Variants in PCDHGA9 observed in about 807,000 individuals in gnomAD.
PCDHGA9 encodes the protein protocadherin gamma subfamily A, 9, also known as protocadherin gamma-A9.
A neutral mutation model predicts 62.5 loss-of-function variants in PCDHGA9; 37 were observed. That is an observed-to-expected ratio of 0.59 (90% CI 0.46 to 0.78). The LOEUF (loss-of-function observed/expected upper bound fraction) is 0.78. Among genes scored for constraint, PCDHGA9 ranks in the 30% least tolerant of loss-of-function variants. PCDHGA9 has a pLI of 0.00. For missense variants in PCDHGA9, 1,138 were observed against 1,166.2 expected (o/e 0.98, Z 0.35); for synonymous variants, 459 against 484.6 (o/e 0.95, Z 0.69).
intron 1 of PCDHGA9, chr5:141,426,750 G>A (rs1287163824): frequency 2.2e-6 from 1 of 456,160 alleles, no homozygotes; most frequent in Non-Finnish European, 4.4e-6. Context: ...CCTGGAATCT[G>A]CTATAGATGC....
intron 2 of PCDHGA9, among the ~76,000 whole-genome samples, chr5:141,503,688 T>A (rs2099828724): frequency 6.6e-6 from 1 of 152,042 alleles, no homozygotes; most frequent in African/African-American, 2.4e-5. Context: ...GGAAGGAGAA[T>A]TGAGATTCCT....
chr5:141,423,985 C>T (rs1334591897), intron 1 of PCDHGA9: 2 of 1,100,512 alleles, frequency 1.8e-6, no homozygotes, highest in Non-Finnish European at 2.2e-6. Flanking sequence ...ATGAGGCTCT[C>T]AATTTATTAT....
intron 1 of PCDHGA9, chr5:141,410,443 T>A (rs1207487083): frequency 6.2e-7 from 1 of 1,613,926 alleles, no homozygotes; most frequent in Non-Finnish European, 8.5e-7. Context: ...GTGAGGGGAC[T>A]TTGCCTTATT....
chr5:141,410,505 A>T (rs2095401601), intron 1 of PCDHGA9: 1 of 1,613,848 alleles, frequency 6.2e-7, no homozygotes, highest in Non-Finnish European at 8.5e-7. Flanking sequence ...AATTTCCTAA[A>T]ATGCAGTGTG....
In PCDHGA9 at chr5:141,491,491, G is replaced by C. The variant is rs2099717103; in HGVS notation, c.2425-3316G>C. The C allele has an allele frequency of 1.2e-6, 2 of 1,614,042 alleles. No homozygotes were observed. The highest frequency in any genetic ancestry group is 1.7e-5 in the Admixed American group (1 of 60,016). The stretch of plus-strand genomic sequence containing the variant: ...TAAGCAGTCCAGCCCCAACCTGCAG[G>C]TGAGCTCGGACGGCACGCTCAAGTA... On this transcript the variant is annotated intron_variant, in intron 1 of 3. Transcript: ENST00000573521. The surrounding 1 kb of genome is among the most constrained non-coding windows in gnomAD (Gnocchi z 6.9).
chr5:141,440,008 C>G, intron 1 of PCDHGA9: 1 of 153,238 alleles, frequency 6.5e-6, no homozygotes. Context: ...GAAACCTTGC[C>G]AAGGATCTGG....
rs1168649993 is a variant in PCDHGA9, at chr5:141,432,243, C to G, written c.2424+26867C>G. On this transcript the variant is annotated intron_variant, in intron 1 of 3. Transcript: ENST00000573521. The surrounding 1 kb of genome is among the most constrained non-coding windows in gnomAD (Gnocchi z 6.0). ...ATCACTTATTCCCTGGCTGAGAACA[C>G]CATCCAAGGGGCAAGCCTATCGTCC... 1 of 1,614,244 alleles carries G rather than the reference C, an allele frequency of 6.2e-7. No individual in the cohort carries two copies. Among genetic ancestry groups the G allele is most frequent in the Non-Finnish European group, 8.5e-7 (1 of 1,180,050 alleles).
intron 1 of PCDHGA9, chr5:141,422,676 A>G (rs1245488589): frequency 1.2e-6 from 2 of 1,606,500 alleles, no homozygotes; most frequent in East Asian, 4.5e-5. Flanking sequence ...CGGACAGCAA[A>G]CAGAATGCCC....
chr5:141,479,838 C>T (rs539142918), intron 1 of PCDHGA9, among the ~76,000 whole-genome samples: 1 of 152,298 alleles, frequency 6.6e-6, no homozygotes, highest in African/African-American at 2.4e-5. Context: ...GGTATCCATG[C>T]AAGGTGACTG....
intron 1 of PCDHGA9, among the ~76,000 whole-genome samples, chr5:141,459,109 C>A (rs1213203625): frequency 6.6e-6 from 1 of 152,174 alleles, no homozygotes; most frequent in Non-Finnish European, 1.5e-5. Context: ...TGCATTTTGA[C>A]AATTGTTTAC....
chr5:141,432,386 A>C lies in PCDHGA9; in HGVS notation c.2424+27010A>C. 1 of 1,614,204 alleles carries C rather than the reference A, an allele frequency of 6.2e-7. No homozygotes were observed. Among genetic ancestry groups the C allele is most frequent in the Non-Finnish European group, 8.5e-7 (1 of 1,180,032 alleles). ...GCGGGACAACGGGCACCCGCCCCTC[A>C]GCAGCAACGTGTCGTTGAGCCTGTT... On this transcript the variant is annotated intron_variant, in intron 1 of 3. Transcript: ENST00000573521. This position sits in a 1 kb window ranked among gnomAD's most constrained non-coding sequence, Gnocchi z 6.0.
rs1267522141 is a variant in PCDHGA9 at position 141,403,345 on chromosome 5, A to C, written c.393A>C (p.Pro131=). The change falls in exon 1 of 4, where the codon CCA becomes CCC. Residue 131 remains proline, a synonymous_variant. Coordinates refer to ENST00000573521, the MANE Select transcript of PCDHGA9 (RefSeq NM_018921.3). ...TAACTGATATTAACGACAGCGCCCC[A>C]AAGTTCCAGGCCGAAAGTCTGGAAG... ...IEVTDINDSA[P]KFQAESLEVK... is the part of the protein sequence containing the mutation. 2 of 1,614,050 alleles carry C rather than the reference A, an allele frequency of 1.2e-6. No individual in the cohort carries two copies. Among genetic ancestry groups the C allele is most frequent in the South Asian group, 2.2e-5 (2 of 91,088 alleles).
chr5:141,427,931 G>T (rs1381637805), intron 1 of PCDHGA9: 3 of 1,583,646 alleles, frequency 1.9e-6, no homozygotes, highest in Non-Finnish European at 2.6e-6. Flanking sequence ...GGCGCATGTT[G>T]GTGGGCGACC....
rs2099415271 is a variant in PCDHGA9, at chr5:141,477,659, G to A, written c.2425-17148G>A. 6.2e-7 allele frequency: 1 copy of A among 1,614,194 alleles called. No individual in the cohort carries two copies. The highest frequency in any genetic ancestry group is 1.3e-5 in the African/African-American group (1 of 75,046). ...GGGTCGCTATTTCACAATAAATCGT[G>A]ACAATGGCATAGTGTCATCCTTAGT... On this transcript the variant is annotated intron_variant, in intron 1 of 3. Transcript: ENST00000573521. The surrounding 1 kb of genome is among the most constrained non-coding windows in gnomAD (Gnocchi z 4.9).
In PCDHGA9 at chr5:141,477,982, G is replaced by A; in HGVS notation, c.2425-16825G>A. ...CTAACCAGAGCCTTTTTGCCATAGG[G>A]CTGCACACTGGTCAAATCAGTACTG... is the stretch of plus-strand genomic sequence containing the variant. On this transcript the variant is annotated intron_variant, in intron 1 of 3. Transcript: ENST00000573521. The surrounding 1 kb of genome is among the most constrained non-coding windows in gnomAD (Gnocchi z 4.9). 6.2e-7 allele frequency: 1 copy of A among 1,614,066 alleles called. No individual in the cohort carries two copies. Among genetic ancestry groups the A allele is most frequent in the Non-Finnish European group, 8.5e-7 (1 of 1,180,014 alleles).
intron 2 of PCDHGA9, among the ~76,000 whole-genome samples, chr5:141,503,984 C>T (rs967348519): frequency 2.0e-5 from 3 of 152,184 alleles, no homozygotes; most frequent in African/African-American, 7.2e-5. Context: ...AACCCTTCTT[C>T]TTACCTTACA....
At chr5:141,438,637 C>T (rs11958903) in intron 1 of PCDHGA9, among the ~76,000 whole-genome samples, 3,503 of 30,116 alleles carry the variant, frequency 0.12, 108 homozygotes, top group Non-Finnish European at 0.15. Context: ...TATATATATA[C>T]ACACACACAC....
At chr5:141,452,966 G>T (rs996204633) in intron 1 of PCDHGA9, among the ~76,000 whole-genome samples, 6 of 152,098 alleles carry the variant, frequency 3.9e-5, no homozygotes, top group Admixed American at 1.3e-4. Context: ...TAAACTGAGG[G>T]TATATTGTCA....
At chr5:141,419,588 A>T in intron 1 of PCDHGA9, 1 of 1,611,830 alleles carries the variant, frequency 6.2e-7, no homozygotes, top group East Asian at 2.2e-5. Flanking sequence ...GCTCTTCGAC[A>T]CAGTGCCGCG....
Sources: allele counts gnomAD v4.1 joint callset (sites outside exome capture counted in the v4.1 genomes callset), GRCh38; gene constraint gnomAD v4.1.1; non-coding constraint Gnocchi (gnomAD v3.1); transcripts MANE v1.5; gene names NCBI Gene and HGNC (gene_info 2026-07-23, HGNC 2026-07-21).